Variants in ERICH1 observed in about 807,000 individuals in gnomAD.
ERICH1 encodes the protein glutamate rich 1.
A neutral mutation model predicts 39.6 loss-of-function variants in ERICH1; 56 were observed. That is an observed-to-expected ratio of 1.41 (90% confidence interval 1.14 to 1.77). ERICH1 has a LOEUF of 1.77. Among genes scored for constraint, ERICH1 ranks in the 40% most tolerant of loss-of-function variants. The pLI is 0.00. For synonymous variants in ERICH1, 313 were observed against 223.6 expected, an observed-to-expected ratio of 1.40 and a Z score of -3.57; for missense variants, 826 against 575.4, an observed-to-expected ratio of 1.44 and a Z score of -4.45.
chr8:637,283 C>A (rs1238064667), intron 3 of ERICH1, among the ~76,000 whole-genome samples: 1 of 152,234 alleles, frequency 6.6e-6, no homozygotes, highest in Non-Finnish European at 1.5e-5. Context: ...CTAGCTGCTT[C>A]CCAGAGCTGC....
chr8:639,566 C>T (rs1161731459), intron 3 of ERICH1, among the ~76,000 whole-genome samples: 1 of 152,094 alleles, frequency 6.6e-6, no homozygotes, highest in South Asian at 2.1e-4. Context: ...CAGAAGCAGC[C>T]GCCAACCCAG....
intron 3 of ERICH1, among the ~76,000 whole-genome samples, chr8:658,712 G>A (rs1165400181): frequency 6.6e-6 from 1 of 152,126 alleles, no homozygotes; most frequent in African/African-American, 2.4e-5. Context: ...AGATGCCCCT[G>A]GTACAAACAA....
chr8:719,029 T>G (rs1350617397), intron 1 of ERICH1, among the ~76,000 whole-genome samples: 2 of 152,152 alleles, frequency 1.3e-5, no homozygotes, highest in African/African-American at 4.8e-5. Flanking sequence ...AACACCCTCC[T>G]GAGGAGCTTC....
rs1376096497 is a variant in ERICH1, at chr8:696,932, T to C, written c.170-4320A>G. 8.7e-4 allele frequency among the ~76,000 whole-genome samples: 91 copies of C among 104,768 alleles called. No homozygotes were observed. In the Middle Eastern group the frequency reaches 0.038, roughly 44 times the overall value. 68.7% of individuals were successfully genotyped at this position (104,768 alleles called of 152,430 possible). A position where few individuals can be genotyped will look rare whatever the true frequency, so the allele number is the denominator to read the frequency against. On this transcript the variant is annotated intron_variant, in intron 2 of 5. Transcript: ENST00000262109. ...TCCTCCCCATCAGCCTGTACTCGCT[T>C]CTCTCACCCTCCACTCCTTCCTCCC...
intron 2 of ERICH1, among the ~76,000 whole-genome samples, chr8:700,184 CGCACACGCGCACAGGCCG>C (rs1203170137): frequency 1.8e-4 from 22 of 122,022 alleles, no homozygotes; most frequent in African/African-American, 6.3e-4. Flanking sequence ...CGCACAGGCC[CGCACACGCGCACAGGCCG>C]GCACAGGCGC....
At chr8:636,980 G>T (rs1798488062) in intron 3 of ERICH1, among the ~76,000 whole-genome samples, 1 of 152,230 alleles carries the variant, frequency 6.6e-6, no homozygotes, top group South Asian at 2.1e-4. Flanking sequence ...CAGGGTCGGA[G>T]GGTTGGTTCA....
chr8:714,797 G>A (rs1585611262), intron 2 of ERICH1, among the ~76,000 whole-genome samples: 4 of 151,592 alleles, frequency 2.6e-5, no homozygotes, highest in African/African-American at 9.7e-5. Context: ...ATCTCTCGGT[G>A]GGATGTGCTG....
intron 3 of ERICH1, among the ~76,000 whole-genome samples, chr8:685,152 G>A (rs969144243): frequency 3.9e-5 from 6 of 152,176 alleles, no homozygotes. Context: ...GGCCATTTTA[G>A]AGATCCCCCT....
chr8:693,680 G>T (rs1217673494), intron 2 of ERICH1, among the ~76,000 whole-genome samples: 1 of 150,252 alleles, frequency 6.7e-6, no homozygotes, highest in Non-Finnish European at 1.5e-5. Context: ...TCCCTGCTGT[G>T]TGCCCCTCTA....
At chr8:628,470 G>A (rs1374778560) in intron 3 of ERICH1, among the ~76,000 whole-genome samples, 1 of 152,240 alleles carries the variant, frequency 6.6e-6, no homozygotes, top group Non-Finnish European at 1.5e-5. Flanking sequence ...CCTGCAGAGG[G>A]CATGTGGCTG....
intron 1 of ERICH1, among the ~76,000 whole-genome samples, chr8:725,569 C>A (rs1818411023): frequency 6.6e-6 from 1 of 152,188 alleles, no homozygotes. Flanking sequence ...CAGCTGTACA[C>A]CAAGCACGAC....
At chr8:726,631 AAC>A (rs925879431) in intron 1 of ERICH1, among the ~76,000 whole-genome samples, 5 of 150,016 alleles carry the variant, frequency 3.3e-5, no homozygotes, top group Non-Finnish European at 7.4e-5. Flanking sequence ...GACACAGGTG[AAC>A]ACACAGACAC....
intron 3 of ERICH1, among the ~76,000 whole-genome samples, chr8:627,692 G>A (rs954564620): frequency 1.3e-5 from 2 of 152,212 alleles, no homozygotes; most frequent in Non-Finnish European, 2.9e-5. Flanking sequence ...CCACAGGGCT[G>A]TTGCTCACCC....
intron 4 of ERICH1, among the ~76,000 whole-genome samples, chr8:670,588 G>A (rs527653104): frequency 6.6e-6 from 1 of 152,290 alleles, no homozygotes; most frequent in South Asian, 2.1e-4. Flanking sequence ...CTGGGCTCGA[G>A]GGTCAGGCCG....
chr8:688,278 C>CCCGCCCCGCCCCGGCCATTCCG (rs1808016462), intron 3 of ERICH1, among the ~76,000 whole-genome samples: 1 of 131,150 alleles, frequency 7.6e-6, no homozygotes, highest in African/African-American at 3.2e-5. Flanking sequence ...TCCGCCCGTC[C>CCCGCCCCGCCCCGGCCATTCCG]CCGCCCCGCC....
In ERICH1 at chr8:664,759, T is replaced by C. The variant is rs528350579; in HGVS notation, c.1259-83A>G. ...AGTTATTATTATGTAGACACGAGCC[T>C]TTGGGCCCAAAGTGAACTCCCAAAT... is the stretch of plus-strand genomic sequence containing the variant. On this transcript the variant is annotated intron_variant, in intron 5 of 5. Transcript: ENST00000262109. 321 of 1,169,734 alleles carry C rather than the reference T, an allele frequency of 2.7e-4. 1 individual carries two copies. Among genetic ancestry groups the C allele is most frequent in the Admixed American group, 7.4e-4 (33 of 44,712 alleles). The allele number at this position is 1,169,734 out of a possible 1,614,324, so 72.5% of individuals were successfully genotyped here.
chr8:619,768 G>A (rs1180402550), intron 3 of ERICH1, among the ~76,000 whole-genome samples: 2 of 152,110 alleles, frequency 1.3e-5, no homozygotes, highest in South Asian at 2.1e-4. Flanking sequence ...ATGAAACTAT[G>A]TTGTATGAAG....
chr8:629,614 C>T (rs12674486), intron 3 of ERICH1, among the ~76,000 whole-genome samples: 22,993 of 96,240 alleles, frequency 0.24, 3,040 homozygotes, highest in East Asian at 0.55. Flanking sequence ...GACTCACACC[C>T]GCCTGTGACC....
chr8:730,670 G>C (rs1819776187), intron 1 of ERICH1, among the ~76,000 whole-genome samples: 1 of 152,080 alleles, frequency 6.6e-6, no homozygotes, highest in Admixed American at 6.5e-5. Context: ...TAGGTCCACT[G>C]AAGGTAAACA....
Sources: gnomAD v4.1 joint callset for allele counts (sites outside exome capture counted in the v4.1 genomes callset) on GRCh38, gnomAD v4.1.1 for gene constraint, MANE v1.5 for transcripts, NCBI Gene and HGNC (gene_info 2026-07-23, HGNC 2026-07-21) for gene names.